Variants in IAH1 observed in about 807,000 individuals in gnomAD.
IAH1 encodes the protein isoamyl acetate hydrolyzing esterase 1 (putative), also known as isoamyl acetate-hydrolyzing esterase 1 homolog.
A neutral mutation model predicts 26.7 loss-of-function variants in IAH1; 24 were observed. The ratio of observed to expected loss-of-function variants is 0.90; its 90% CI spans 0.65 to 1.26. The LOEUF is 1.26. Ranked by LOEUF, IAH1 falls within the 50% of genes most tolerant of loss-of-function variation. IAH1 has a pLI of 0.00. For missense variants in IAH1, 300 were observed against 299.9 expected (o/e 1.00, Z 0.00); for synonymous variants, 140 against 118.5 (o/e 1.18, Z -1.18).
At chr2:9,499,194 T>C (rs1662842715), downstream of IAH1, among the ~76,000 whole-genome samples, 1 of 151,562 alleles carries the variant, frequency 6.6e-6, no homozygotes, top group African/African-American at 2.4e-5. Flanking sequence ...GAACTTATCC[T>C]CTGCTATCTA....
intron 6 of IAH1, chr2:9,494,911 C>T (rs1662452163): frequency 7.2e-6 from 7 of 975,606 alleles, no homozygotes; most frequent in Non-Finnish European, 1.0e-5. Context: ...TATCCATAGC[C>T]CCCACCAAGG....
chr2:9,510,033 T>C, the IAH1 span: 2 of 1,614,174 alleles, frequency 1.2e-6, no homozygotes, highest in Non-Finnish European at 1.7e-6. Context: ...CATATTTCCC[T>C]CCCTGGTCCT....
In IAH1 at chr2:9,481,431, AC is replaced by A. The variant is rs769995473; in HGVS notation, c.430del (p.Gln144SerfsTer9). The A allele has an allele frequency of 1.2e-5, 20 of 1,614,164 alleles. No homozygotes were observed. The highest frequency in any genetic ancestry group is 1.6e-5 in the Non-Finnish European group (19 of 1,180,016). On this transcript the variant is annotated frameshift_variant, in exon 4 of 6. Transcript: ENST00000497473. LOFTEE classifies it high-confidence loss of function. ...CACTTTGTGAAACAGCCTGGGAAGA[AC>A]AGTGCATCATACAAGGTAAACAAAC... ...TPLCETAWEEQCIIQGCKLNR... is the reference protein window; with the variant it reads ...TPLCETAWEEXCIIQGCKLNR...
intron 4 of IAH1, among the ~76,000 whole-genome samples, chr2:9,483,271 CT>C (rs570517946): frequency 1.4e-3 from 213 of 152,232 alleles, no homozygotes; most frequent in African/African-American, 5.0e-3. Flanking sequence ...TTGAGATGGT[CT>C]TGCTGTGTCA....
the IAH1 span, among the ~76,000 whole-genome samples, chr2:9,511,080 T>C: frequency 1.3e-5 from 2 of 152,128 alleles, no homozygotes; most frequent in Non-Finnish European, 2.9e-5. Flanking sequence ...CCTCCTCACA[T>C]GCCCCTCGGC....
At chr2:9,475,824 T>A in intron 1 of IAH1, 163 bp from the exon 2 acceptor site, 1 of 635,502 alleles carries the variant, frequency 1.6e-6, no homozygotes, top group East Asian at 2.7e-5. Context: ...GCTAAAGTGC[T>A]GCCAGGTGTA....
chr2:9,482,938 C>G (rs1266838037), intron 4 of IAH1, among the ~76,000 whole-genome samples: 3 of 152,204 alleles, frequency 2.0e-5, no homozygotes, highest in Non-Finnish European at 2.9e-5. Flanking sequence ...GCCCACAAAG[C>G]TCCCCTGGAG....
At chr2:9,510,024 A>G in the IAH1 span, 15 of 1,614,152 alleles carry the variant, frequency 9.3e-6, no homozygotes, top group Admixed American at 1.0e-4. Context: ...GATACATGAC[A>G]TATTTCCCTC....
chr2:9,510,532 C>G, the IAH1 span, among the ~76,000 whole-genome samples: 1 of 152,096 alleles, frequency 6.6e-6, no homozygotes, highest in Non-Finnish European at 1.5e-5. Flanking sequence ...GGCATGGAGG[C>G]ACGCGCCTGT....
Position 9,488,409 on chromosome 2 carries a change from A to G in IAH1, c.*80A>G. 8.6e-7 allele frequency: 1 copy of G among 1,164,042 alleles called. No homozygotes were observed. The highest frequency in any genetic ancestry group is 1.2e-6 in the Non-Finnish European group (1 of 830,010). 72.1% of individuals were successfully genotyped at this position (1,164,042 alleles called of 1,614,324 possible). ...TACGTAGAGGTACGCTTTTTTCCTCAGGCTTAAACCTTTGCCACTGATATT... is the reference window on the plus strand; with the variant it reads ...TACGTAGAGGTACGCTTTTTTCCTCGGGCTTAAACCTTTGCCACTGATATT... On this transcript the variant is annotated 3_prime_UTR_variant, in exon 6 of 6. Coordinates refer to ENST00000497473, the MANE Select transcript of IAH1 (RefSeq NM_001039613.3).
At chr2:9,501,464 G>A (rs1199503808), downstream of IAH1, among the ~76,000 whole-genome samples, 2 of 152,144 alleles carry the variant, frequency 1.3e-5, no homozygotes, top group African/African-American at 2.4e-5. Flanking sequence ...CTGAAGGGAC[G>A]TAGGAGGATG....
chr2:9,474,170 C>A (rs1682328808), upstream of IAH1, among the ~76,000 whole-genome samples: 2 of 151,856 alleles, frequency 1.3e-5, no homozygotes, highest in African/African-American at 4.8e-5. This position sits in a 1 kb window ranked among gnomAD's most constrained non-coding sequence, Gnocchi z 4.3. Flanking sequence ...CGCGCGCATC[C>A]CACGACCTCT....
intron 4 of IAH1, among the ~76,000 whole-genome samples, chr2:9,482,394 C>G (rs1661238236): frequency 6.6e-6 from 1 of 152,190 alleles, no homozygotes; most frequent in East Asian, 1.9e-4. Context: ...CAACACAGAA[C>G]AGCTATTTCT....
chr2:9,491,858 G>A (rs974350923), downstream of IAH1, among the ~76,000 whole-genome samples: 3 of 152,166 alleles, frequency 2.0e-5, no homozygotes, highest in African/African-American at 7.2e-5. Flanking sequence ...GAAATCAAGG[G>A]TCGTGCCTTG....
At chr2:9,498,110 G>A (rs1169401297), downstream of IAH1, among the ~76,000 whole-genome samples, 1 of 152,146 alleles carries the variant, frequency 6.6e-6, no homozygotes, top group Non-Finnish European at 1.5e-5. Flanking sequence ...GCTTACTGCA[G>A]CCTCAAACTC....
At chr2:9,508,946 A>G in the IAH1 span, among the ~76,000 whole-genome samples, 2 of 152,162 alleles carry the variant, frequency 1.3e-5, no homozygotes, top group Non-Finnish European at 2.9e-5. Flanking sequence ...CTGTTTACAC[A>G]TAACAGCCAA....
At chr2:9,503,334 G>T in the IAH1 span, among the ~76,000 whole-genome samples, 6 of 152,072 alleles carry the variant, frequency 3.9e-5, no homozygotes, top group Non-Finnish European at 8.8e-5. Context: ...CCAGGCACTG[G>T]TCTATCAGTG....
chr2:9,485,749 T>TA (rs1394970546), intron 5 of IAH1: 2 of 152,256 alleles, frequency 1.3e-5, no homozygotes, highest in Non-Finnish European at 2.9e-5. Flanking sequence ...TCCACACAGA[T>TA]ACTGGTGAAG....
chr2:9,480,009 A>C (rs937522134), intron 3 of IAH1, among the ~76,000 whole-genome samples: 1 of 151,614 alleles, frequency 6.6e-6, no homozygotes, highest in Non-Finnish European at 1.5e-5. Flanking sequence ...GGGTTTCCCC[A>C]TGTTGGTCAG....
Sources: gnomAD v4.1 joint callset for allele counts (sites outside exome capture counted in the v4.1 genomes callset) on GRCh38, gnomAD v4.1.1 for gene constraint, Gnocchi (gnomAD v3.1) non-coding constraint, MANE v1.5 for transcripts, NCBI Gene and HGNC (gene_info 2026-07-23, HGNC 2026-07-21) for gene names.